Variants in DENND1B observed in about 807,000 individuals in gnomAD.
DENND1B encodes DENN domain-containing protein 1B.
A neutral mutation model predicts 90.1 loss-of-function variants in DENND1B; 59 were observed. The observed-to-expected ratio is 0.65, with a 90% CI of 0.53 to 0.81. The LOEUF is 0.81. Among genes scored for constraint, DENND1B ranks in the 40% least tolerant of loss-of-function variants. DENND1B has a pLI of 0.00. For missense variants in DENND1B, 862 were observed against 912.6 expected (o/e 0.94, Z 0.71); for synonymous variants, 337 against 324.6 (o/e 1.04, Z -0.41).
chr1:197,583,497 G>A (rs551019166), intron 14 of DENND1B, among the ~76,000 whole-genome samples: 1 of 152,184 alleles, frequency 6.6e-6, no homozygotes, highest in Admixed American at 6.5e-5. Context: ...TCAAGTAAAA[G>A]TAAATCCCCT....
At chr1:197,562,111 A>ACTTTC (rs1672218239) in intron 15 of DENND1B, among the ~76,000 whole-genome samples, 1 of 151,858 alleles carries the variant, frequency 6.6e-6, no homozygotes, top group Non-Finnish European at 1.5e-5. Context: ...TGTTCTATCT[A>ACTTTC]CTTTCCCATA....
rs1252372663 is a variant in DENND1B, at chr1:197,510,837, C to A, written c.1951G>T (p.Val651Phe). 6.2e-7 allele frequency: 1 copy of A among 1,611,874 alleles called. No individual in the cohort carries two copies. Among genetic ancestry groups the A allele is most frequent in the Non-Finnish European group, 8.5e-7 (1 of 1,178,936 alleles). ...GAATCTGTCAAACCACTAGAGGAAA[C>A]CCGCTTCCTAGGAGATGGAGGGAGG... is the stretch of plus-strand genomic sequence containing the variant. The part of the protein sequence containing the change: ...KHLPPSPRKR[V>F]SSSGLTDSLF... The change falls in exon 23 of 23, where the codon GTT becomes TTT. Residue 651 changes from valine to phenylalanine, a missense_variant. Transcript: ENST00000620048.
At chr1:197,720,675 C>T (rs955834802) in intron 2 of DENND1B, among the ~76,000 whole-genome samples, 5 of 152,106 alleles carry the variant, frequency 3.3e-5, no homozygotes, top group African/African-American at 1.2e-4. Context: ...TTTTCCTTGG[C>T]ACAGACTCCG....
intron 20 of DENND1B, among the ~76,000 whole-genome samples, chr1:197,519,499 A>G (rs1388193310): frequency 6.6e-6 from 1 of 151,942 alleles, no homozygotes; most frequent in East Asian, 1.9e-4. Flanking sequence ...GCTAGAGCAC[A>G]GTGATAACTA....
intron 3 of DENND1B, chr1:197,690,655 C>A: frequency 4.9e-6 from 1 of 205,502 alleles, no homozygotes; most frequent in Non-Finnish European, 1.0e-5. Flanking sequence ...CTAATACCTG[C>A]ACCCTAGTTT....
intron 2 of DENND1B, chr1:197,746,608 A>G: frequency 1.7e-6 from 1 of 576,324 alleles, no homozygotes; most frequent in Non-Finnish European, 3.1e-6. Context: ...GATTGAAAAG[A>G]GCTGATAATC....
At chr1:197,554,136 CACACACACACACGT>C (rs1333018528) in intron 15 of DENND1B, among the ~76,000 whole-genome samples, 1 of 151,146 alleles carries the variant, frequency 6.6e-6, no homozygotes, top group Non-Finnish European at 1.5e-5. Context: ...CACACACACA[CACACACACACACGT>C]ATTACTAGCA....
At chr1:197,606,065 T>G (rs1436276413) in intron 13 of DENND1B, 7 of 150,928 alleles carry the variant, frequency 4.6e-5, no homozygotes, top group African/African-American at 1.5e-4. Flanking sequence ...AAATGCTTTG[T>G]TTTTTTAAAA....
chr1:197,762,521 G>T (rs149253207), intron 2 of DENND1B, among the ~76,000 whole-genome samples: 6 of 152,224 alleles, frequency 3.9e-5, no homozygotes, highest in Non-Finnish European at 5.9e-5. Flanking sequence ...GCCAATTAAC[G>T]CATCTATCAT....
intron 2 of DENND1B, among the ~76,000 whole-genome samples, chr1:197,753,223 T>C (rs1053448176): frequency 1.3e-5 from 2 of 151,996 alleles, no homozygotes; most frequent in African/African-American, 4.8e-5. Context: ...AAGACAAAAA[T>C]ATAAAATGCA....
At chr1:197,544,879 A>G (rs1183561507) in intron 18 of DENND1B, among the ~76,000 whole-genome samples, 1 of 54,024 alleles carries the variant, frequency 1.9e-5, no homozygotes, top group Admixed American at 2.4e-4. Context: ...AAGGAGATGA[A>G]GAGGAAGAGG....
At chr1:197,779,096 C>A (rs1164645261), upstream of DENND1B, among the ~76,000 whole-genome samples, 4 of 152,182 alleles carry the variant, frequency 2.6e-5, no homozygotes, top group African/African-American at 9.7e-5. Context: ...TTTAGATCTT[C>A]TGTGTAGGAT....
chr1:197,615,904 T>C (rs1320684253), intron 11 of DENND1B, among the ~76,000 whole-genome samples: 1 of 150,820 alleles, frequency 6.6e-6, no homozygotes, highest in Non-Finnish European at 1.5e-5. Context: ...AGAAAGAAAA[T>C]TCCAGGGACT....
intron 2 of DENND1B, chr1:197,747,153 T>C (rs2102393750): frequency 2.6e-6 from 2 of 768,728 alleles, no homozygotes; most frequent in Non-Finnish European, 4.6e-6. Flanking sequence ...GTTTTCTTTT[T>C]TTCCCTCTGA....
At chr1:197,694,213 TAA>T (rs149995813) in intron 3 of DENND1B, among the ~76,000 whole-genome samples, 1 of 150,020 alleles carries the variant, frequency 6.7e-6, no homozygotes, top group Non-Finnish European at 1.5e-5. Context: ...CTTATTTTGC[TAA>T]AAAAAAATTA....
At chr1:197,728,211 G>A (rs1382265411) in intron 2 of DENND1B, among the ~76,000 whole-genome samples, 1 of 152,032 alleles carries the variant, frequency 6.6e-6, no homozygotes, top group African/African-American at 2.4e-5. Flanking sequence ...AACTCCCCAG[G>A]TGATTCTTAT....
At chr1:197,758,163 T>C (rs1654548204) in intron 2 of DENND1B, among the ~76,000 whole-genome samples, 1 of 152,182 alleles carries the variant, frequency 6.6e-6, no homozygotes, top group Admixed American at 6.5e-5. Flanking sequence ...TGCTGTCAGA[T>C]TCGGTACTAC....
At chr1:197,738,143 T>A (rs893054200) in intron 2 of DENND1B, among the ~76,000 whole-genome samples, 1 of 152,250 alleles carries the variant, frequency 6.6e-6, no homozygotes, top group Non-Finnish European at 1.5e-5. Flanking sequence ...CAGTATGAAT[T>A]AGCATGCATG....
intron 5 of DENND1B, among the ~76,000 whole-genome samples, chr1:197,658,570 T>C (rs1208826417): frequency 1.3e-5 from 2 of 151,902 alleles, no homozygotes; most frequent in Admixed American, 6.6e-5. Context: ...AATCTAGAGT[T>C]CTATTTAAAA....
Sources: gnomAD v4.1 joint callset for allele counts (sites outside exome capture counted in the v4.1 genomes callset) on GRCh38, gnomAD v4.1.1 for gene constraint, MANE v1.5 for transcripts, NCBI Gene and HGNC (gene_info 2026-07-23, HGNC 2026-07-21) for gene names.